The following ARID5B variants were observed in gnomAD, a reference collection of about 807,000 sequenced individuals.
The protein encoded by ARID5B is AT-rich interactive domain-containing protein 5B.
ARID5B carries 13 observed loss-of-function variants against 97.2 expected under a neutral mutation model. The ratio of observed to expected loss-of-function variants is 0.13; its 90% CI spans 0.09 to 0.21. ARID5B has a LOEUF of 0.21. Ranked by LOEUF, ARID5B falls within the 10% of genes least tolerant of loss-of-function variation. The pLI is 1.00. For synonymous variants in ARID5B, 556 were observed against 570.3 expected (o/e 0.97, Z 0.36); for missense variants, 1,210 against 1,465.3 (o/e 0.83, Z 2.84).
chr10:61,911,162 C>A (rs1460929733), intron 2 of ARID5B, among the ~76,000 whole-genome samples: 2 of 152,198 alleles, frequency 1.3e-5, no homozygotes, highest in Non-Finnish European at 2.9e-5. Context: ...TTTCTACACC[C>A]TCAAGCATGT....
chr10:62,096,126 T>C lies in ARID5B; in HGVS notation c.*3096T>C, dbSNP rs990154535. 2.1e-5 allele frequency: 5 copies of C among 233,498 alleles called. No individual in the cohort carries two copies. Among genetic ancestry groups the C allele is most frequent in the Non-Finnish European group, 4.2e-5 (5 of 118,008 alleles). 14.5% of individuals were successfully genotyped at this position (233,498 alleles called of 1,614,324 possible). Reference sequence around the variant, plus strand: ...TTGTAATATTTGCCACAGGACTGACTTATTTATTTACTAGCTAGAAGCTCT... The same window carrying C: ...TTGTAATATTTGCCACAGGACTGACCTATTTATTTACTAGCTAGAAGCTCT... On this transcript the variant is annotated 3_prime_UTR_variant, in exon 10 of 10. Coordinates refer to ENST00000279873, the MANE Select transcript of ARID5B (RefSeq NM_032199.3).
intron 3 of ARID5B, among the ~76,000 whole-genome samples, chr10:61,940,641 G>A (rs1844383598): frequency 6.6e-6 from 1 of 151,654 alleles, no homozygotes; most frequent in Non-Finnish European, 1.5e-5. Context: ...GTGATACAGT[G>A]GTTCTAAACA....
At chr10:61,908,730 G>A (rs560239155) in intron 2 of ARID5B, among the ~76,000 whole-genome samples, 23 of 144,846 alleles carry the variant, frequency 1.6e-4, no homozygotes, top group Non-Finnish European at 2.7e-4. Context: ...AACCCGGGAG[G>A]CAGAGCTTGC....
At chr10:61,930,680 A>G (rs969043768) in intron 2 of ARID5B, among the ~76,000 whole-genome samples, 14 of 151,860 alleles carry the variant, frequency 9.2e-5, no homozygotes, top group Non-Finnish European at 1.3e-4. Context: ...AGATGGCACC[A>G]CTGCACTCCA....
At chr10:62,058,994 C>G (rs760772074) in intron 6 of ARID5B, among the ~76,000 whole-genome samples, 18 of 152,124 alleles carry the variant, frequency 1.2e-4, no homozygotes, top group Non-Finnish European at 2.5e-4. Flanking sequence ...AAAACTCTTG[C>G]CTTTATCCTA....
chr10:61,993,570 T>C (rs148598553), intron 3 of ARID5B, among the ~76,000 whole-genome samples: 1,528 of 152,310 alleles, frequency 0.01, 6 homozygotes, highest in Non-Finnish European at 0.012. Context: ...TAGTAACAGC[T>C]GTAGCTACTC....
At position 62,085,682 on chromosome 10, in the gene ARID5B, C is replaced by T; in HGVS notation, c.1200-20C>T. 6.3e-6 allele frequency: 10 copies of T among 1,583,382 alleles called. No homozygotes were observed. The highest frequency in any genetic ancestry group is 8.6e-6 in the Non-Finnish European group (10 of 1,165,754). ...TGGAATTACTCAACTGACCGATCAT[C>T]TCTTCTGTTAACCTTTTAGATTAAT... On this transcript the variant is annotated intron_variant, in intron 8 of 9. Transcript: ENST00000279873.
intron 4 of ARID5B, among the ~76,000 whole-genome samples, chr10:62,017,788 T>A (rs1839302825): frequency 6.6e-6 from 1 of 152,218 alleles, no homozygotes; most frequent in Admixed American, 6.5e-5. Context: ...TTTTTTCCCA[T>A]ATGTCTAAAA....
rs1843634334 is a variant in ARID5B at position 61,902,544 on chromosome 10, G to A, written c.276+131G>A. 2.1e-5 allele frequency: 27 copies of A among 1,276,606 alleles called. No homozygotes were observed. In the South Asian group the frequency reaches 3.3e-4, roughly 15 times the overall value. 79.1% of individuals were successfully genotyped at this position (1,276,606 alleles called of 1,614,324 possible). ...CAGGATCGACTCCTTTTTTAAAGGG[G>A]TAGCGCCACTAGCTGGGGCTCGAGT... On this transcript the variant is annotated intron_variant, in intron 2 of 9. Transcript: ENST00000279873.
At chr10:62,012,287 G>A (rs543447357) in intron 4 of ARID5B, among the ~76,000 whole-genome samples, 10 of 152,258 alleles carry the variant, frequency 6.6e-5, no homozygotes, top group South Asian at 2.1e-4. Flanking sequence ...TTGAGAGGCC[G>A]AAGTGGGCAG....
chr10:62,073,810 T>C (rs1840095079), intron 8 of ARID5B, among the ~76,000 whole-genome samples: 1 of 152,212 alleles, frequency 6.6e-6, no homozygotes, highest in African/African-American at 2.4e-5. Context: ...CATTTCTTGC[T>C]CAGGATTTAT....
At chr10:61,909,475 G>A (rs756303478) in intron 2 of ARID5B, among the ~76,000 whole-genome samples, 1 of 152,070 alleles carries the variant, frequency 6.6e-6, no homozygotes, top group Non-Finnish European at 1.5e-5. Context: ...ACAGGCGCCA[G>A]CCACCGCGGC....
Position 61,930,174 on chromosome 10 carries a change from A to G in ARID5B, c.277-10009A>G, listed in dbSNP as rs548356381. Among the ~76,000 whole-genome samples, 20 of 152,354 alleles carry G rather than the reference A, an allele frequency of 1.3e-4. No homozygotes were observed. In the South Asian group the frequency reaches 4.1e-3, roughly 32 times the overall value. On this transcript the variant is annotated intron_variant, in intron 2 of 9. Transcript: ENST00000279873. ...TTGCATCTAAGTATATGTTTCATACATTTTCCCAGTTGGGAGATGGAATGA... is the reference window on the plus strand; with the variant it reads ...TTGCATCTAAGTATATGTTTCATACGTTTTCCCAGTTGGGAGATGGAATGA...
At chr10:61,980,446 C>T (rs188153396) in intron 3 of ARID5B, among the ~76,000 whole-genome samples, 2 of 152,038 alleles carry the variant, frequency 1.3e-5, no homozygotes, top group African/African-American at 2.4e-5. Flanking sequence ...TTTTCCCAAC[C>T]TTAATGTAAT....
chr10:62,022,440 C>T (rs537288333), intron 4 of ARID5B, among the ~76,000 whole-genome samples: 1 of 152,354 alleles, frequency 6.6e-6, no homozygotes, highest in South Asian at 2.1e-4. Flanking sequence ...GGGAATTTCA[C>T]ACCTTTCGCA....
intron 2 of ARID5B, among the ~76,000 whole-genome samples, chr10:61,910,627 A>G (rs1259165823): frequency 6.6e-6 from 1 of 152,170 alleles, no homozygotes; most frequent in African/African-American, 2.4e-5. Context: ...TACATCCCTC[A>G]TGCCCTGGAC....
Position 62,057,157 on chromosome 10 carries a change from A to G in ARID5B, c.887A>G (p.Asn296Ser), listed in dbSNP as rs1839867408. The change falls in exon 6 of 10, where the codon AAT becomes AGT. Residue 296 changes from asparagine to serine, a missense_variant. Transcript: ENST00000279873. ...AGGTCAGCCTTGACCAAGCCGAAGA[A>G]TAACCATAACTGTAAAAAAGTCTCA... ...EARSALTKPK[N>S]NHNCKKVSNE... is the part of the protein sequence containing the mutation. 6.2e-7 allele frequency: 1 copy of G among 1,613,706 alleles called. No homozygotes were observed. Among genetic ancestry groups the G allele is most frequent in the Admixed American group, 1.7e-5 (1 of 59,960 alleles).
At chr10:62,069,428 A>G (rs1840033538) in intron 7 of ARID5B, among the ~76,000 whole-genome samples, 1 of 152,264 alleles carries the variant, frequency 6.6e-6, no homozygotes, top group South Asian at 2.1e-4. Flanking sequence ...TGACAAACCT[A>G]CATGAATATC....
intron 2 of ARID5B, among the ~76,000 whole-genome samples, chr10:61,903,291 C>G (rs1378859011): frequency 6.6e-6 from 1 of 151,864 alleles, no homozygotes; most frequent in East Asian, 1.9e-4. Context: ...AGAGCCTCCC[C>G]GGCACGTTTC....
Sources: gnomAD v4.1 joint callset for allele counts (sites outside exome capture counted in the v4.1 genomes callset) on GRCh38, gnomAD v4.1.1 for gene constraint, MANE v1.5 for transcripts, NCBI Gene and HGNC (gene_info 2026-07-23, HGNC 2026-07-21) for gene names.